Variants in MYBPC1 observed in about 807,000 individuals in gnomAD.
MYBPC1 encodes myosin-binding protein C, slow-type.
MYBPC1 carries 52 observed loss-of-function variants against 147.1 expected under a neutral mutation model. The observed-to-expected ratio is 0.35, with a 90% CI of 0.28 to 0.45. The LOEUF (loss-of-function observed/expected upper bound fraction) is 0.45, where lower values mean the gene tolerates loss of function less well. Ranked by LOEUF, MYBPC1 falls within the 20% of genes least tolerant of loss-of-function variation. MYBPC1 has a pLI of 1.00. For missense variants in MYBPC1, 1,228 were observed against 1,440.3 expected (o/e 0.85, Z 2.39); for synonymous variants, 477 against 475.9 (o/e 1.00, Z -0.03).
chr12:101,659,978 T>C, intron 19 of MYBPC1, 147 bp downstream of exon 19: 1 of 1,052,202 alleles, frequency 9.5e-7, no homozygotes, highest in Non-Finnish European at 1.4e-6. Context: ...GACTTATCAT[T>C]GGAGAAAGAA....
At chr12:101,690,220 T>C (rs982036840), downstream of MYBPC1, among the ~76,000 whole-genome samples, 7 of 152,096 alleles carry the variant, frequency 4.6e-5, no homozygotes, top group Non-Finnish European at 2.9e-5. Flanking sequence ...CCCAGATCCT[T>C]AAGTTCGGAA....
chr12:101,640,447 G>A (rs1264876038), intron 10 of MYBPC1, among the ~76,000 whole-genome samples: 1 of 152,168 alleles, frequency 6.6e-6, no homozygotes, highest in Non-Finnish European at 1.5e-5. Context: ...CCAATTTCAG[G>A]ACAATTTTCT....
intron 10 of MYBPC1, among the ~76,000 whole-genome samples, chr12:101,637,539 C>A (rs1891244842): frequency 6.6e-6 from 1 of 151,896 alleles, no homozygotes; most frequent in South Asian, 2.1e-4. Context: ...CACTTTTTTT[C>A]TGAGATTATG....
chr12:101,661,360 G>C (rs773237043), intron 20 of MYBPC1, 98 bp downstream of exon 20: 204 of 778,984 alleles, frequency 2.6e-4, no homozygotes, highest in Non-Finnish European at 4.2e-4. Flanking sequence ...GCATTTAGAA[G>C]AAAACCTATT....
intron 1 of MYBPC1, among the ~76,000 whole-genome samples, chr12:101,610,197 C>G (rs537510532): frequency 6.6e-6 from 1 of 152,300 alleles, no homozygotes; most frequent in African/African-American, 2.4e-5. Context: ...CTGGAATTCT[C>G]TGTTTCAAAT....
At chr12:101,620,576 G>A (rs980062934) in intron 3 of MYBPC1, among the ~76,000 whole-genome samples, 1 of 152,030 alleles carries the variant, frequency 6.6e-6, no homozygotes, top group Admixed American at 6.6e-5. Flanking sequence ...GTGATCAAGT[G>A]GGATCATACT....
intron 21 of MYBPC1, 23 bp downstream of exon 21, chr12:101,662,569 TTGTCA>T: frequency 6.2e-7 from 1 of 1,610,812 alleles, no homozygotes; most frequent in African/African-American, 1.3e-5. Context: ...AGATGAGTCT[TTGTCA>T]TCAGAATCAT....
intron 18 of MYBPC1, among the ~76,000 whole-genome samples, chr12:101,658,090 C>G: frequency 7.1e-6 from 1 of 140,900 alleles, no homozygotes. Flanking sequence ...GAGATCGCGC[C>G]AACACACTCC....
chr12:101,668,355 TTAG>T (rs1897882189), intron 23 of MYBPC1, among the ~76,000 whole-genome samples: 1 of 152,170 alleles, frequency 6.6e-6, no homozygotes. Flanking sequence ...TGTTGATACC[TTAG>T]TATGAAATCA....
chr12:101,688,714 A>C (rs1951381522), downstream of MYBPC1, among the ~76,000 whole-genome samples: 1 of 144,312 alleles, frequency 6.9e-6, no homozygotes, highest in Non-Finnish European at 1.6e-5. Flanking sequence ...TAATCCCGGC[A>C]CTTTGGGAGA....
chr12:101,666,462 G>C, intron 22 of MYBPC1: 1 of 408,290 alleles, frequency 2.4e-6, no homozygotes, highest in South Asian at 2.2e-5. Context: ...CCCACCACTG[G>C]AGGTGTCCCA....
chr12:101,660,043 C>T (rs906297034), intron 19 of MYBPC1: 15 of 607,304 alleles, frequency 2.5e-5, no homozygotes, highest in Non-Finnish European at 3.5e-5. Context: ...AAGTCATATT[C>T]CCTTTTGGTG....
At position 101,672,325 on chromosome 12, in the gene MYBPC1, C is replaced by T. The variant is rs17031853; in HGVS notation, c.2614-1102C>T. ...GAGCCCACAGGAAAGCTGTGCCTTA[C>T]CTGACAGAATTCATGCTTGGTTCCT... On this transcript the variant is annotated intron_variant, in intron 24 of 31. Transcript: ENST00000361466. Among the ~76,000 whole-genome samples, 671 of 152,256 alleles carry T rather than the reference C, an allele frequency of 4.4e-3. 6 individuals are homozygous for T. Among genetic ancestry groups the T allele is most frequent in the African/African-American group, 0.015 (639 of 41,552 alleles).
intron 19 of MYBPC1, among the ~76,000 whole-genome samples, chr12:101,660,932 C>T (rs1245162328): frequency 1.3e-5 from 2 of 152,162 alleles, no homozygotes; most frequent in Non-Finnish European, 2.9e-5. Flanking sequence ...TTCTCTCCCA[C>T]CAGGTCCCTC....
At chr12:101,693,723 G>A in the MYBPC1 span, among the ~76,000 whole-genome samples, 1 of 149,624 alleles carries the variant, frequency 6.7e-6, no homozygotes, top group East Asian at 1.9e-4. Context: ...GGGTGACAGA[G>A]CAAGAATCTG....
intron 1 of MYBPC1, among the ~76,000 whole-genome samples, chr12:101,610,612 A>T (rs895373397): frequency 6.6e-6 from 1 of 152,192 alleles, no homozygotes; most frequent in Admixed American, 6.5e-5. Flanking sequence ...ACCCCTGTTA[A>T]TGCATTCATT....
chr12:101,634,480 C>A (rs931043691), intron 8 of MYBPC1, 74 bp from the exon 9 acceptor site: 1 of 1,215,524 alleles, frequency 8.2e-7, no homozygotes. Context: ...AGAATCCCCA[C>A]AGCCTATAAA....
At chr12:101,676,972 A>G (rs190018982) in intron 26 of MYBPC1, among the ~76,000 whole-genome samples, 1 of 152,310 alleles carries the variant, frequency 6.6e-6, no homozygotes, top group Admixed American at 6.5e-5. Context: ...AAGATAGTAG[A>G]TGGCAACTAG....
chr12:101,607,503 C>A (rs825083), intron 1 of MYBPC1, among the ~76,000 whole-genome samples: 64,561 of 151,816 alleles, frequency 0.43, 14,023 homozygotes, highest in East Asian at 0.66. Flanking sequence ...TTCTCTTATG[C>A]CTCAAATTTC....
Sources: allele counts gnomAD v4.1 joint callset (sites outside exome capture counted in the v4.1 genomes callset), GRCh38; gene constraint gnomAD v4.1.1; transcripts MANE v1.5; gene names NCBI Gene and HGNC (gene_info 2026-07-23, HGNC 2026-07-21).